The following SNTG1 variants were observed in gnomAD, a reference collection of about 807,000 sequenced individuals.
SNTG1 encodes gamma-1-syntrophin.
A neutral mutation model predicts 74.7 loss-of-function variants in SNTG1; 39 were observed. That is an observed-to-expected ratio of 0.52 (90% CI 0.40 to 0.68). The LOEUF is 0.68. Ranked by LOEUF, SNTG1 falls within the 30% of genes least tolerant of loss-of-function variation. The probability of loss-of-function intolerance (pLI) is 0.00; values close to 1 mark genes in which losing one functional copy is unlikely to be tolerated. For synonymous variants in SNTG1, 254 were observed against 217.1 expected, an observed-to-expected ratio of 1.17 and a Z score of -1.49; for missense variants, 685 against 609.5, an observed-to-expected ratio of 1.12 and a Z score of -1.30.
At chr8:50,109,421 C>G (rs1464753689) in intron 1 of SNTG1, among the ~76,000 whole-genome samples, 1 of 152,062 alleles carries the variant, frequency 6.6e-6, no homozygotes, top group Non-Finnish European at 1.5e-5. Flanking sequence ...GAGTCTAAGT[C>G]CAGCACCTCA....
At chr8:50,286,993 TA>T (rs1439060640) in intron 2 of SNTG1, 1 of 152,214 alleles carries the variant, frequency 6.6e-6, no homozygotes, top group East Asian at 1.9e-4. Context: ...TTTTTCTGTC[TA>T]AAAATTATTT....
chr8:50,363,086 A>G (rs2092006308), intron 2 of SNTG1, among the ~76,000 whole-genome samples: 1 of 152,156 alleles, frequency 6.6e-6, no homozygotes, highest in South Asian at 2.1e-4. Flanking sequence ...ATTTATTTTT[A>G]AGGCTAAATA....
At chr8:50,056,501 ATC>A (rs1820035618) in intron 1 of SNTG1, among the ~76,000 whole-genome samples, 1 of 152,182 alleles carries the variant, frequency 6.6e-6, no homozygotes, top group South Asian at 2.1e-4. Context: ...GTTTGGAATC[ATC>A]TTTCAAGATA....
chr8:50,254,242 T>C (rs1417076478), intron 2 of SNTG1, among the ~76,000 whole-genome samples: 1 of 152,152 alleles, frequency 6.6e-6, no homozygotes, highest in East Asian at 1.9e-4. Context: ...ACCATGAAGA[T>C]GAAACTCAAA....
At chr8:50,565,726 A>G (rs957703155) in intron 12 of SNTG1, among the ~76,000 whole-genome samples, 6 of 152,028 alleles carry the variant, frequency 3.9e-5, no homozygotes, top group African/African-American at 1.4e-4. Context: ...GGAGACACTA[A>G]TCAAATTAGC....
intron 1 of SNTG1, among the ~76,000 whole-genome samples, chr8:49,973,162 C>T (rs1248200553): frequency 1.3e-5 from 2 of 152,136 alleles, no homozygotes; most frequent in South Asian, 2.1e-4. Context: ...GGCACATATA[C>T]ACCATGGAAT....
chr8:50,478,402 T>C (rs1262159622), intron 8 of SNTG1, among the ~76,000 whole-genome samples: 1 of 152,190 alleles, frequency 6.6e-6, no homozygotes. Context: ...TTACCAATTG[T>C]AGATTTCTGA....
chr8:49,980,396 C>T (rs990100481), intron 1 of SNTG1, among the ~76,000 whole-genome samples: 4 of 151,866 alleles, frequency 2.6e-5, no homozygotes, highest in Admixed American at 6.6e-5. Flanking sequence ...CTGACTTGTA[C>T]ATGCGCTTGT....
intron 4 of SNTG1, among the ~76,000 whole-genome samples, chr8:50,429,240 A>C (rs2093203274): frequency 6.6e-6 from 1 of 152,100 alleles, no homozygotes. Flanking sequence ...CTGATTTCAA[A>C]GCTTACTATG....
At chr8:50,260,280 A>G (rs1473281349) in intron 2 of SNTG1, among the ~76,000 whole-genome samples, 1 of 152,270 alleles carries the variant, frequency 6.6e-6, no homozygotes, top group Non-Finnish European at 1.5e-5. Context: ...CCAAACTTCC[A>G]CATTGTATTA....
intron 2 of SNTG1, among the ~76,000 whole-genome samples, chr8:50,367,889 A>G (rs2092160239): frequency 6.6e-6 from 1 of 152,142 alleles, no homozygotes; most frequent in Non-Finnish European, 1.5e-5. Flanking sequence ...GCTATAACTA[A>G]TACCTAAAAA....
intron 1 of SNTG1, among the ~76,000 whole-genome samples, chr8:49,966,381 T>C (rs1811141514): frequency 6.6e-6 from 1 of 152,008 alleles, no homozygotes; most frequent in African/African-American, 2.4e-5. Flanking sequence ...ATTCCAGTCT[T>C]TTTTTAAATT....
intron 1 of SNTG1, chr8:50,163,448 A>G (rs927094525): frequency 3.8e-4 from 57 of 150,584 alleles, no homozygotes; most frequent in African/African-American, 1.4e-3. Context: ...ACTAAGTATT[A>G]CAAATTTCTC....
chr8:50,778,128 G>A (rs2095646760), intron 18 of SNTG1, among the ~76,000 whole-genome samples: 1 of 152,174 alleles, frequency 6.6e-6, no homozygotes, highest in Non-Finnish European at 1.5e-5. Flanking sequence ...TTGCTTCCAA[G>A]TGTTTGCTAT....
At chr8:50,548,248 AAAAATAACCACGT>A (rs1181476443) in intron 11 of SNTG1, among the ~76,000 whole-genome samples, 1 of 152,212 alleles carries the variant, frequency 6.6e-6, no homozygotes, top group Non-Finnish European at 1.5e-5. Context: ...TTCTAAAATG[AAAAATAACCACGT>A]AATTTGTGTG....
At chr8:50,178,490 G>A (rs548762964) in intron 2 of SNTG1, among the ~76,000 whole-genome samples, 361 of 152,018 alleles carry the variant, frequency 2.4e-3, no homozygotes, top group Non-Finnish European at 4.0e-3. Context: ...AACAAGTTGG[G>A]AAAGGCCATT....
At chr8:50,033,638 G>C (rs1220356357) in intron 1 of SNTG1, among the ~76,000 whole-genome samples, 2 of 151,992 alleles carry the variant, frequency 1.3e-5, no homozygotes, top group Non-Finnish European at 2.9e-5. Flanking sequence ...CTTTCTCCCT[G>C]TATTCTCATG....
At chr8:49,951,914 A>G (rs1809757160) in intron 1 of SNTG1, among the ~76,000 whole-genome samples, 1 of 130,162 alleles carries the variant, frequency 7.7e-6, no homozygotes, top group South Asian at 2.7e-4. Flanking sequence ...AGAAGTATCC[A>G]TTGAACTCCT....
At chr8:50,133,777 T>C (rs1258239777) in intron 1 of SNTG1, among the ~76,000 whole-genome samples, 1 of 152,188 alleles carries the variant, frequency 6.6e-6, no homozygotes, top group Non-Finnish European at 1.5e-5. Context: ...CCCACCCTAC[T>C]CCAGTATGAC....
Sources: allele counts gnomAD v4.1 joint callset (sites outside exome capture counted in the v4.1 genomes callset), GRCh38; gene constraint gnomAD v4.1.1; transcripts MANE v1.5; gene names NCBI Gene and HGNC (gene_info 2026-07-23, HGNC 2026-07-21).